BICRA: variants seen among roughly 807,000 people sequenced by gnomAD.
BICRA encodes BRD4 interacting chromatin remodeling complex associated protein.
BICRA carries 31 observed loss-of-function variants against 96.9 expected under a neutral mutation model. The ratio of observed to expected loss-of-function variants is 0.32; its 90% confidence interval spans 0.24 to 0.43. The LOEUF (loss-of-function observed/expected upper bound fraction) is 0.43, where lower values mean the gene tolerates loss of function less well. Among genes scored for constraint, BICRA ranks in the 20% least tolerant of loss-of-function variants. The pLI is 1.00. For missense variants in BICRA, 2,283 were observed against 2,190.3 expected (o/e 1.04, Z -0.84); for synonymous variants, 1,350 against 1,071.8 (o/e 1.26, Z -5.07).
chr19:47,667,694 G>A (rs1479962684), intron 1 of BICRA, among the ~76,000 whole-genome samples: 2 of 152,080 alleles, frequency 1.3e-5, no homozygotes, highest in African/African-American at 2.4e-5. Flanking sequence ...AAAGCCACTC[G>A]CCACTCCTGT....
chr19:47,679,209 C>G (rs1972987393), intron 5 of BICRA, 112 bp from the exon 6 acceptor site: 3 of 696,658 alleles, frequency 4.3e-6, no homozygotes, highest in Non-Finnish European at 6.5e-6. Context: ...AGGGAATGTT[C>G]TTTCTTGAAC....
intron 1 of BICRA, chr19:47,663,063 G>A (rs1421401888): frequency 1.3e-5 from 2 of 152,206 alleles, no homozygotes; most frequent in African/African-American, 2.4e-5. Flanking sequence ...GGATTAACAA[G>A]TTTGGAGGCG....
chr19:47,659,685 T>TATAC (rs1369334077), intron 1 of BICRA, among the ~76,000 whole-genome samples: 8 of 132,506 alleles, frequency 6.0e-5, no homozygotes, highest in Non-Finnish European at 8.1e-5. Flanking sequence ...TGGTGGTGCA[T>TATAC]ACACACACAC....
chr19:47,613,524 C>G (rs1373464492), intron 1 of BICRA, among the ~76,000 whole-genome samples: 1 of 152,152 alleles, frequency 6.6e-6, no homozygotes, highest in African/African-American at 2.4e-5. Context: ...CAGGCACCCT[C>G]ACTTAGTAGA....
chr19:47,628,718 C>T (rs2123519794), intron 1 of BICRA, among the ~76,000 whole-genome samples: 1 of 152,142 alleles, frequency 6.6e-6, no homozygotes, highest in South Asian at 2.1e-4. Flanking sequence ...GATCCTTCCA[C>T]CTCAGCCTCC....
intron 6 of BICRA, 31 bp from the exon 7 acceptor site, chr19:47,681,945 T>G (rs1356092733): frequency 9.3e-6 from 14 of 1,500,196 alleles, no homozygotes; most frequent in African/African-American, 2.8e-5. Context: ...TGGGGGCGGC[T>G]TTCTGATCCT....
chr19:47,618,166 C>T (rs1243172411), intron 1 of BICRA, among the ~76,000 whole-genome samples: 3 of 152,154 alleles, frequency 2.0e-5, no homozygotes, highest in Non-Finnish European at 2.9e-5. Flanking sequence ...GGTACAGGTT[C>T]TGTTACTCTG....
chr19:47,651,256 G>A (rs907191403), intron 1 of BICRA, among the ~76,000 whole-genome samples: 1 of 151,982 alleles, frequency 6.6e-6, no homozygotes, highest in Non-Finnish European at 1.5e-5. Flanking sequence ...TGAAGTCCTC[G>A]CCCTCGTTGT....
At chr19:47,682,734 C>T (rs1460537193) in intron 7 of BICRA, among the ~76,000 whole-genome samples, 23 of 151,030 alleles carry the variant, frequency 1.5e-4, no homozygotes, top group East Asian at 3.9e-4. Flanking sequence ...TGCAGTGGCG[C>T]GATCTTGGCT....
At chr19:47,668,308 G>A (rs1189306523) in intron 1 of BICRA, among the ~76,000 whole-genome samples, 1 of 152,118 alleles carries the variant, frequency 6.6e-6, no homozygotes, top group Non-Finnish European at 1.5e-5. Flanking sequence ...GCGAACATTG[G>A]TAACCCCAAA....
At chr19:47,658,215 T>C (rs1972649967) in intron 1 of BICRA, among the ~76,000 whole-genome samples, 1 of 152,062 alleles carries the variant, frequency 6.6e-6, no homozygotes, top group Non-Finnish European at 1.5e-5. Flanking sequence ...CTGTCCTCTG[T>C]TGACCAGGAT....
At chr19:47,614,843 G>A (rs1971960371) in intron 1 of BICRA, among the ~76,000 whole-genome samples, 1 of 152,152 alleles carries the variant, frequency 6.6e-6, no homozygotes, top group Admixed American at 6.6e-5. Context: ...TGTGAAGCAT[G>A]GGAAGGCATA....
chr19:47,679,874 TC>T lies in BICRA; in HGVS notation c.706del (p.Gln236ArgfsTer38). ...GCGGCCACACTGGGCCTGGCGCCCA[TC>T]CAGGTGGTGGGCCAGCCCGTCATGG... ...ATAATLGLAP[I>X]QVVGQPVMAL... On this transcript the variant is annotated frameshift_variant, in exon 6 of 15. Transcript: ENST00000594866. LOFTEE classifies it high-confidence loss of function. The T allele has an allele frequency of 6.6e-7, 1 of 1,516,966 alleles. No individual in the cohort carries two copies. The highest frequency in any genetic ancestry group is 8.8e-7 in the Non-Finnish European group (1 of 1,138,526). The allele number at this position is 1,516,966 out of a possible 1,614,324, so 94.0% of individuals were successfully genotyped here. A position where few individuals can be genotyped will look rare whatever the true frequency, so the allele number is the denominator to read the frequency against.
rs142855226 is a variant in BICRA, at chr19:47,689,474, G to C, written c.2284-4641G>C. 4.9e-3 allele frequency among the ~76,000 whole-genome samples: 741 copies of C among 152,246 alleles called. 4 individuals carry two copies. Among genetic ancestry groups the C allele is most frequent in the African/African-American group, 0.017 (708 of 41,544 alleles). On this transcript the variant is annotated intron_variant, in intron 7 of 14. Transcript: ENST00000594866. ...CGCCCAGGCTGGAGTGCAGTGGCAAGATCTTGGCTCACTGCAAGCTACGCC... is the reference window on the plus strand; with the variant it reads ...CGCCCAGGCTGGAGTGCAGTGGCAACATCTTGGCTCACTGCAAGCTACGCC...
At chr19:47,676,999 C>T (rs1408479277) in intron 5 of BICRA, among the ~76,000 whole-genome samples, 1 of 152,100 alleles carries the variant, frequency 6.6e-6, no homozygotes, top group Non-Finnish European at 1.5e-5. Flanking sequence ...CCTGCCTGGT[C>T]CTCAGTCGGT....
chr19:47,684,196 T>C (rs1444712001), intron 7 of BICRA, among the ~76,000 whole-genome samples: 1 of 152,176 alleles, frequency 6.6e-6, no homozygotes, highest in Admixed American at 6.5e-5. Flanking sequence ...ACTATTATCT[T>C]GAGGGGGACA....
intron 7 of BICRA, among the ~76,000 whole-genome samples, chr19:47,685,403 A>G (rs1017623514): frequency 3.3e-5 from 5 of 152,190 alleles, no homozygotes; most frequent in African/African-American, 1.2e-4. Flanking sequence ...CAGTAGCTGT[A>G]TCTGCAGCAG....
intron 7 of BICRA, among the ~76,000 whole-genome samples, chr19:47,687,807 G>A (rs1221741427): frequency 1.6e-5 from 2 of 128,912 alleles, no homozygotes; most frequent in African/African-American, 5.8e-5. Context: ...AGGCAGCAGA[G>A]TGAGACTCTG....
chr19:47,641,070 ATTTTTTTTTTTTT>A (rs71180861), intron 1 of BICRA, among the ~76,000 whole-genome samples: 1 of 104,550 alleles, frequency 9.6e-6, no homozygotes, highest in African/African-American at 3.9e-5. Context: ...TGCCTGGCTA[ATTTTTTTTTTTTT>A]TTTTTTTTTT....
Sources: allele counts gnomAD v4.1 joint callset (sites outside exome capture counted in the v4.1 genomes callset), GRCh38; gene constraint gnomAD v4.1.1; transcripts MANE v1.5; gene names NCBI Gene and HGNC (gene_info 2026-07-23, HGNC 2026-07-21).